RPL5: variants seen among roughly 807,000 people sequenced by gnomAD.
The protein encoded by RPL5 is ribosomal protein L5.
Under a neutral mutation model 38.4 loss-of-function variants are expected in RPL5, and 1 was observed. The observed-to-expected ratio is 0.03, with a 90% CI of 0.01 to 0.12. The LOEUF (loss-of-function observed/expected upper bound fraction) is 0.12. Among genes scored for constraint, RPL5 ranks in the 10% least tolerant of loss-of-function variants. The pLI is 1.00. For missense variants in RPL5, 243 were observed against 374.1 expected, an observed-to-expected ratio of 0.65 and a Z score of 2.89; for synonymous variants, 109 against 121.2, an observed-to-expected ratio of 0.90 and a Z score of 0.66.
rs757021956 is a variant in RPL5 at position 92,833,671 on chromosome 1, T to C, written c.189+11T>C. 1 of 1,594,450 alleles carries C rather than the reference T, an allele frequency of 6.3e-7. No individual in the cohort carries two copies. The highest frequency in any genetic ancestry group is 8.6e-7 in the Non-Finnish European group (1 of 1,163,978). ...GATATCATTTGTCAGGTAAGTTGTA[T>C]TCTAGACAGTCCCCTTTTTTTATTG... On this transcript the variant is annotated intron_variant, in intron 3 of 7. Coordinates refer to ENST00000370321, the MANE Select transcript of RPL5 (RefSeq NM_000969.5).
chr1:92,837,704 C>T (rs1687183016), intron 6 of RPL5, 71 bp downstream of exon 6: 2 of 1,288,124 alleles, frequency 1.6e-6, no homozygotes, highest in South Asian at 1.2e-5. Flanking sequence ...GTTTTGGGGG[C>T]AGGTAACATT....
intron 6 of RPL5, 130 bp from the exon 7 acceptor site, chr1:92,840,420 GT>G (rs921348078): frequency 2.9e-5 from 21 of 736,242 alleles, no homozygotes; most frequent in Middle Eastern, 7.7e-4. Flanking sequence ...AAGTTAAAGT[GT>G]TTACCAACAT....
At chr1:92,838,086 A>G (rs1687196730) in intron 6 of RPL5, among the ~76,000 whole-genome samples, 1 of 152,212 alleles carries the variant, frequency 6.6e-6, no homozygotes, top group South Asian at 2.1e-4. Context: ...AATGAGTCCC[A>G]AAGTGCTGGG....
rs764283613 is a variant in RPL5, at chr1:92,841,803, G to T, written c.832G>T (p.Asp278Tyr). 3.1e-6 allele frequency: 5 copies of T among 1,611,608 alleles called. No individual in the cohort carries two copies. Among genetic ancestry groups the T allele is most frequent in the Admixed American group, 1.7e-5 (1 of 59,984 alleles). ...CAAAATGTCCCTTGCTCAGAAGAAGGATCGGGTAGCTCAAAAGAAGGCAAG... is the reference window on the plus strand; with the variant it reads ...CAAAATGTCCCTTGCTCAGAAGAAGTATCGGGTAGCTCAAAAGAAGGCAAG... ...RPKMSLAQKK[D>Y]RVAQKKASFL... The change falls in exon 8 of 8, where the codon GAT becomes TAT. Residue 278 changes from aspartate (D) to tyrosine (Y), a missense_variant. Asp to Tyr is a radical substitution (Grantham distance 160, BLOSUM62 -3). Transcript: ENST00000370321.
At chr1:92,832,259 T>TC in intron 1 of RPL5, 142 bp downstream of exon 1, 1 of 1,370,872 alleles carries the variant, frequency 7.3e-7, no homozygotes, top group Non-Finnish European at 1.0e-6. Context: ...GAGGTGCAGT[T>TC]CCCAGCGTGG....
At chr1:92,832,289 G>A in intron 1 of RPL5, 172 bp downstream of exon 1, 2 of 1,042,744 alleles carry the variant, frequency 1.9e-6, no homozygotes, top group South Asian at 1.4e-5. Flanking sequence ...GCTGCCGCCC[G>A]GTGCGCGAAC....
chr1:92,834,773 C>A lies in RPL5; in HGVS notation c.190-6C>A, dbSNP rs761659540. On this transcript the variant is annotated splice_region_variant and splice_polypyrimidine_tract_variant and intron_variant, in intron 3 of 7. Coordinates refer to ENST00000370321, the MANE Select transcript of RPL5 (RefSeq NM_000969.5). Reference sequence around the variant, plus strand: ...GATTACTAACCTAGTTTCTCTCTTACTATAGATTGCTTATGCCCGTATAGA... The same window carrying A: ...GATTACTAACCTAGTTTCTCTCTTAATATAGATTGCTTATGCCCGTATAGA... 9.9e-6 allele frequency: 16 copies of A among 1,612,694 alleles called. No individual in the cohort carries two copies. Among genetic ancestry groups the A allele is most frequent in the Admixed American group, 1.7e-5 (1 of 59,998 alleles).
chr1:92,832,743 T>C (rs997211344), intron 1 of RPL5: 1 of 448,870 alleles, frequency 2.2e-6, no homozygotes, highest in African/African-American at 2.0e-5. Flanking sequence ...TTTTAATTAT[T>C]GGGGTAGGGC....
Position 92,840,661 on chromosome 1 carries a change from C to G in RPL5, c.794+22C>G, listed in dbSNP as rs765049781. The G allele has an allele frequency of 2.5e-6, 4 of 1,571,220 alleles. No homozygotes were observed. The Admixed American group carries it at 6.8e-5, about 27-fold the overall frequency. ...AGAGGTATGTCGTCTTTTTTTTTGT[C>G]TTTTCAAGAAAACAGGTTGGGAATG... On this transcript the variant is annotated intron_variant, in intron 7 of 7. Transcript: ENST00000370321.
intron 7 of RPL5, chr1:92,840,935 A>G: frequency 4.0e-6 from 2 of 500,418 alleles, no homozygotes; most frequent in Non-Finnish European, 7.6e-6. Context: ...AATGGAATAG[A>G]AAGTAATACT....
intron 4 of RPL5, 148 bp from the exon 5 acceptor site, chr1:92,836,042 T>C (rs971609971): frequency 2.8e-6 from 2 of 706,096 alleles, no homozygotes; most frequent in African/African-American, 3.6e-5. Flanking sequence ...TAAAAATTCA[T>C]GAGCAAGTGG....
chr1:92,841,338 A>G (rs1053190105), intron 7 of RPL5, among the ~76,000 whole-genome samples: 7 of 152,226 alleles, frequency 4.6e-5, no homozygotes, highest in Non-Finnish European at 1.0e-4. Flanking sequence ...CATGTTGCAA[A>G]TGACAGAATT....
chr1:92,840,948 A>G (rs1687340736), intron 7 of RPL5: 2 of 470,494 alleles, frequency 4.3e-6, no homozygotes, highest in Non-Finnish European at 8.1e-6. Context: ...GTAATACTTA[A>G]TGAACATGTA....
chr1:92,833,029 C>A, intron 1 of RPL5: 1 of 740,930 alleles, frequency 1.3e-6, no homozygotes, highest in Non-Finnish European at 2.5e-6. Flanking sequence ...ATTACCGGTG[C>A]TGGTCCTTGA....
intron 7 of RPL5, among the ~76,000 whole-genome samples, chr1:92,841,205 CTG>C (rs1245185981): frequency 6.6e-6 from 1 of 152,202 alleles, no homozygotes; most frequent in Non-Finnish European, 1.5e-5. Context: ...CCACCAGCCT[CTG>C]TAACCACCAT....
intron 3 of RPL5, 26 bp downstream of exon 3, chr1:92,833,686 T>A: frequency 6.5e-7 from 1 of 1,548,478 alleles, no homozygotes; most frequent in Non-Finnish European, 8.9e-7. Flanking sequence ...GACAGTCCCC[T>A]TTTTTTATTG....
At chr1:92,837,703 G>C in intron 6 of RPL5, 70 bp downstream of exon 6, 1 of 1,305,930 alleles carries the variant, frequency 7.7e-7, no homozygotes, top group Non-Finnish European at 1.1e-6. Context: ...TGTTTTGGGG[G>C]CAGGTAACAT....
chr1:92,837,629 A>T lies in RPL5; in HGVS notation c.701A>T (p.Asp234Val). ...SQYIKNSVTP[D>V]MMEEMYKKAH... ...TACATAAAGAACAGCGTAACTCCAG[A>T]CATGGTAAAACATTTACCTAAAAAT... The change falls in exon 6 of 8, where the codon GAC becomes GTC. Residue 234 changes from aspartate to valine, a missense_variant. Transcript: ENST00000370321. The T allele has an allele frequency of 6.2e-7, 1 of 1,611,496 alleles. No homozygotes were observed. Among genetic ancestry groups the T allele is most frequent in the Non-Finnish European group, 8.5e-7 (1 of 1,179,114 alleles).
intron 7 of RPL5, 81 bp downstream of exon 7, chr1:92,840,720 TGCAAACTCGATCACTA>T (rs1687325015): frequency 2.0e-6 from 2 of 1,023,468 alleles, no homozygotes; most frequent in Non-Finnish European, 3.0e-6. Flanking sequence ...GGTGTAATTG[TGCAAACTCGATCACTA>T]GCTCTGCGTG....
Sources: gnomAD v4.1 joint callset for allele counts (sites outside exome capture counted in the v4.1 genomes callset) on GRCh38, gnomAD v4.1.1 for gene constraint, MANE v1.5 for transcripts, NCBI Gene and HGNC (gene_info 2026-07-23, HGNC 2026-07-21) for gene names.